The following CHERP variants were observed in gnomAD, a reference collection of about 807,000 sequenced individuals.
CHERP encodes the protein ERPROT 213-21.
A neutral mutation model predicts 113.8 loss-of-function variants in CHERP; 8 were observed. The ratio of observed to expected loss-of-function variants is 0.07; its 90% confidence interval spans 0.04 to 0.13. The LOEUF (loss-of-function observed/expected upper bound fraction) is 0.13, where lower values mean the gene tolerates loss of function less well. Among genes scored for constraint, CHERP ranks in the 10% least tolerant of loss-of-function variants. The pLI, the probability that CHERP is intolerant of heterozygous loss-of-function variation, is 1.00. For synonymous variants in CHERP, 559 were observed against 524.5 expected (o/e 1.07, Z -0.90); for missense variants, 884 against 1,298.2 (o/e 0.68, Z 4.90).
In CHERP at chr19:16,521,798, T is replaced by C. The variant is rs549931677; in HGVS notation, c.1981-144A>G. 2.0e-4 allele frequency: 143 copies of C among 698,042 alleles called. 1 individual carries two copies. The highest frequency in any genetic ancestry group is 2.8e-4 in the Non-Finnish European group (128 of 465,280). The allele number at this position is 698,042 out of a possible 1,614,324, so 43.2% of individuals were successfully genotyped here. A position where few individuals can be genotyped will look rare whatever the true frequency, so the allele number is the denominator to read the frequency against. On this transcript the variant is annotated intron_variant, in intron 11 of 16. Coordinates refer to ENST00000546361, the MANE Select transcript of CHERP (RefSeq NM_006387.6). ...CACCAGAGCTCCTCATGCTTCCCTC[T>C]TGGGGATCCCACTCTCTTGTAGGAC...
chr19:16,539,077 G>A (rs560730706), intron 2 of CHERP, among the ~76,000 whole-genome samples: 4 of 151,710 alleles, frequency 2.6e-5, no homozygotes, highest in South Asian at 2.1e-4. Context: ...CTACACCACC[G>A]GCCACACAAC....
chr19:16,529,990 G>C lies in CHERP; in HGVS notation c.877-90C>G. On this transcript the variant is annotated intron_variant, in intron 7 of 16. Coordinates refer to ENST00000546361, the MANE Select transcript of CHERP (RefSeq NM_006387.6). ...GGACAAACGCCTGGAAAGCAGCAGAGCCTGGGGGACCTGGGGCAGGTGGAC... is the reference window on the plus strand; with the variant it reads ...GGACAAACGCCTGGAAAGCAGCAGACCCTGGGGGACCTGGGGCAGGTGGAC... 3 of 1,491,972 alleles carry C rather than the reference G, an allele frequency of 2.0e-6. No individual in the cohort carries two copies. The East Asian group carries it at 7.4e-5, about 37-fold the overall frequency. The allele number at this position is 1,491,972 out of a possible 1,614,324, so 92.4% of individuals were successfully genotyped here. A position where few individuals can be genotyped will look rare whatever the true frequency, so the allele number is the denominator to read the frequency against.
chr19:16,539,362 T>C (rs1301564451), intron 2 of CHERP, among the ~76,000 whole-genome samples: 1 of 152,016 alleles, frequency 6.6e-6, no homozygotes, highest in African/African-American at 2.4e-5. Flanking sequence ...TTAGCCAGGA[T>C]GGTCTCGATC....
In CHERP at chr19:16,521,347, T is replaced by C. The variant is rs888939783; in HGVS notation, c.2114+174A>G. 10 of 606,114 alleles carry C rather than the reference T, an allele frequency of 1.6e-5. No homozygotes were observed. In the African/African-American group the frequency reaches 1.7e-4, roughly 10 times the overall value. 37.5% of individuals were successfully genotyped at this position (606,114 alleles called of 1,614,324 possible). A position where few individuals can be genotyped will look rare whatever the true frequency, so the allele number is the denominator to read the frequency against. On this transcript the variant is annotated intron_variant, in intron 12 of 16. Transcript: ENST00000546361. ...TGTGTCTCCATTAAAACGCCCTTCA[T>C]TGAGGGCCACGTGTGTGCTGTGCCT...
intron 2 of CHERP, 189 bp downstream of exon 2, chr19:16,541,681 C>T: frequency 1.7e-6 from 1 of 589,172 alleles, no homozygotes; most frequent in Non-Finnish European, 2.9e-6. Context: ...CGTTGTTCTC[C>T]ATTACAGTGG....
At chr19:16,534,344 C>T (rs2085727429) in intron 3 of CHERP, among the ~76,000 whole-genome samples, 1 of 152,152 alleles carries the variant, frequency 6.6e-6, no homozygotes, top group Non-Finnish European at 1.5e-5. Flanking sequence ...CCACTGTGCC[C>T]AGCTGGAATT....
rs1211360804 is a variant in CHERP at position 16,530,064 on chromosome 19, C to T, written c.877-164G>A. Among the ~76,000 whole-genome samples, 1 of 152,218 alleles carries T rather than the reference C, an allele frequency of 6.6e-6. No individual in the cohort carries two copies. The highest frequency in any genetic ancestry group is 1.5e-5 in the Non-Finnish European group (1 of 68,040). On this transcript the variant is annotated intron_variant, in intron 7 of 16. Transcript: ENST00000546361. This position sits in a 1 kb window ranked among gnomAD's most constrained non-coding sequence, Gnocchi z 4.1. ...CAACACAGTCTGGGCAATCAGTGTGCGCTGGGATCTGGCCAGAGATTTGGG... is the reference window on the plus strand; with the variant it reads ...CAACACAGTCTGGGCAATCAGTGTGTGCTGGGATCTGGCCAGAGATTTGGG...
chr19:16,535,531 G>A lies in CHERP; in HGVS notation c.305C>T (p.Ala102Val), dbSNP rs781490948. The change falls in exon 3 of 17, where the codon GCG becomes GTG. Residue 102 changes from alanine to valine, a missense_variant. Ala to Val is a moderately conservative substitution (Grantham distance 64). Coordinates refer to ENST00000546361, the MANE Select transcript of CHERP (RefSeq NM_006387.6). The surrounding 1 kb of genome is among the most constrained non-coding windows in gnomAD (Gnocchi z 4.3). ...CTGGATGAGCTCGTCCATGGATGGC[G>A]CGCCCTGGGCCGGCGGGATGGGCGC... ...PAAPIPPAQG[A>V]PSMDELIQQS... The A allele has an allele frequency of 2.6e-5, 42 of 1,601,832 alleles. No individual in the cohort carries two copies. The highest frequency in any genetic ancestry group is 3.1e-5 in the Non-Finnish European group (36 of 1,174,638).
Position 16,529,752 on chromosome 19 carries a change from AGCT to A in CHERP, c.1022_1024del (p.Gln341del), listed in dbSNP as rs762271164. ...TTCAGCCTCCATCTGCGGCATCTGG[AGCT>A]GCTGCTGCTGCTGTTGCTGCTGCTG... On this transcript the variant is annotated inframe_deletion, in exon 8 of 17. Transcript: ENST00000546361. 23 of 1,611,468 alleles carry A rather than the reference AGCT, an allele frequency of 1.4e-5. No homozygotes were observed. Among genetic ancestry groups the A allele is most frequent in the Admixed American group, 1.7e-5 (1 of 59,924 alleles).
rs2085693363 is a variant in CHERP at position 16,530,516 on chromosome 19, C to T, written c.876+69G>A. On this transcript the variant is annotated intron_variant, in intron 7 of 16. Coordinates refer to ENST00000546361, the MANE Select transcript of CHERP (RefSeq NM_006387.6). The surrounding 1 kb of genome is among the most constrained non-coding windows in gnomAD (Gnocchi z 4.1). Reference sequence around the variant, plus strand: ...GCTGGGGTGGCAGCTGCTGTCCCCACACTCCCAAACCCTCCTGGGGAACCC... The same window carrying T: ...GCTGGGGTGGCAGCTGCTGTCCCCATACTCCCAAACCCTCCTGGGGAACCC... 2.1e-6 allele frequency: 3 copies of T among 1,458,428 alleles called. No individual in the cohort carries two copies. The highest frequency in any genetic ancestry group is 2.9e-6 in the Non-Finnish European group (3 of 1,041,394). The allele number at this position is 1,458,428 out of a possible 1,614,324, so 90.3% of individuals were successfully genotyped here. A position where few individuals can be genotyped will look rare whatever the true frequency, so the allele number is the denominator to read the frequency against.
chr19:16,521,780 G>A, intron 11 of CHERP, 126 bp from the exon 12 acceptor site: 1 of 812,794 alleles, frequency 1.2e-6, no homozygotes, highest in Non-Finnish European at 1.8e-6. Flanking sequence ...GGGCACCAGA[G>A]CTCCTCATGC....
chr19:16,541,736 G>A (rs1291119220), intron 2 of CHERP, 134 bp downstream of exon 2: 3 of 924,796 alleles, frequency 3.2e-6, no homozygotes, highest in African/African-American at 3.3e-5. Flanking sequence ...CAGCGGAACA[G>A]GGATCGTGTG....
intron 2 of CHERP, among the ~76,000 whole-genome samples, chr19:16,536,972 A>G (rs2085745233): frequency 6.6e-6 from 1 of 152,202 alleles, no homozygotes; most frequent in South Asian, 2.1e-4. Flanking sequence ...AGATGGCGCC[A>G]CTGCACTCCA....
In CHERP at chr19:16,519,807, C is replaced by T; in HGVS notation, c.2463-92G>A. The stretch of plus-strand genomic sequence containing the variant: ...GGACCTCACAGCCGCAGCTTGCGTG[C>T]ATGCTCACTGTCACCAGGTGACACC... On this transcript the variant is annotated intron_variant, in intron 15 of 16. Transcript: ENST00000546361. This position sits in a 1 kb window ranked among gnomAD's most constrained non-coding sequence, Gnocchi z 6.0. The T allele has an allele frequency of 2.8e-6, 3 of 1,087,954 alleles. No homozygotes were observed. Among genetic ancestry groups the T allele is most frequent in the Non-Finnish European group, 4.3e-6 (3 of 703,432 alleles). The allele number at this position is 1,087,954 out of a possible 1,614,324, so 67.4% of individuals were successfully genotyped here. A position where few individuals can be genotyped will look rare whatever the true frequency, so the allele number is the denominator to read the frequency against.
chr19:16,523,427 C>CT lies in CHERP; in HGVS notation c.1742-138dup, dbSNP rs2085635260. 9.0e-6 allele frequency: 9 copies of CT among 1,000,026 alleles called. No homozygotes were observed. Among genetic ancestry groups the CT allele is most frequent in the Non-Finnish European group, 1.3e-5 (9 of 679,582 alleles). 61.9% of individuals were successfully genotyped at this position (1,000,026 alleles called of 1,614,324 possible). On this transcript the variant is annotated intron_variant, in intron 10 of 16. Transcript: ENST00000546361. The surrounding 1 kb of genome is among the most constrained non-coding windows in gnomAD (Gnocchi z 4.0). Reference sequence around the variant, plus strand: ...GCCTGTCCAGCATCTTCTCTCACTGCTTAAGACCAGGCAGCAAGGCACCGA... The same window carrying CT: ...GCCTGTCCAGCATCTTCTCTCACTGCTTTAAGACCAGGCAGCAAGGCACCGA...
chr19:16,529,684 C>T lies in CHERP; in HGVS notation c.1093G>A (p.Ala365Thr), dbSNP rs750338607. Residue 365 changes from alanine (A) to threonine (T), a missense_variant, in exon 8 of 17, where the codon GCA becomes ACA. Physicochemically the swap from Ala to Thr is moderately conservative, Grantham distance 58. Transcript: ENST00000546361. ...GTGGGCGGGATGGCAGGGGCAGGTG[C>T]TGGGGCCGGGGGTGGAGCAGGCGGT... ...PPPPAPPPAP[A>T]PAPAIPPTTQ... 1 of 1,564,616 alleles carries T rather than the reference C, an allele frequency of 6.4e-7. No homozygotes were observed. Among genetic ancestry groups the T allele is most frequent in the Non-Finnish European group, 8.6e-7 (1 of 1,160,262 alleles).
rs1441937910 is a variant in CHERP at position 16,518,067 on chromosome 19, AT to A, written c.*1091del. On this transcript the variant is annotated 3_prime_UTR_variant, in exon 17 of 17. Coordinates refer to ENST00000546361, the MANE Select transcript of CHERP (RefSeq NM_006387.6). The stretch of plus-strand genomic sequence containing the variant: ...GGGTTGAAAAGTTGGAAGATTTTGC[AT>A]CTTATTGAAAAGAATTTTTCAAAAA... The A allele has an allele frequency of 6.6e-6, 1 of 152,144 alleles. No homozygotes were observed. The highest frequency in any genetic ancestry group is 1.5e-5 in the Non-Finnish European group (1 of 68,018). The allele number at this position is 152,144 out of a possible 1,614,324, so 9.4% of individuals were successfully genotyped here.
chr19:16,535,356 C>G lies in CHERP; in HGVS notation c.384+96G>C. 7.3e-7 allele frequency: 1 copy of G among 1,366,356 alleles called. No homozygotes were observed. The highest frequency in any genetic ancestry group is 1.0e-6 in the Non-Finnish European group (1 of 999,296). The allele number at this position is 1,366,356 out of a possible 1,614,324, so 84.6% of individuals were successfully genotyped here. ...CCTGGGTGGCAGGGGGGGCCCTGTC[C>G]TCACTGACACCTGTTATTCATTCTG... On this transcript the variant is annotated intron_variant, in intron 3 of 16. Coordinates refer to ENST00000546361, the MANE Select transcript of CHERP (RefSeq NM_006387.6). The surrounding 1 kb of genome is among the most constrained non-coding windows in gnomAD (Gnocchi z 4.3).
Position 16,542,021 on chromosome 19 carries a change from G to T in CHERP, c.48C>A (p.Ile16=). The T allele has an allele frequency of 6.2e-7, 1 of 1,613,484 alleles. No homozygotes were observed. The highest frequency in any genetic ancestry group is 8.5e-7 in the Non-Finnish European group (1 of 1,179,848). Reference sequence around the variant, plus strand: ...GAGCCACGAACTGGGCGAGCTTGTCGATGACATTTCGAAGCTCCTGGTCTG... The same window carrying T: ...GAGCCACGAACTGGGCGAGCTTGTCTATGACATTTCGAAGCTCCTGGTCTG... The part of the protein sequence containing the change: ...PPDDQELRNV[I]DKLAQFVARN... The change falls in exon 2 of 17, where the codon ATC becomes ATA. Residue 16 remains isoleucine, a synonymous_variant. Coordinates refer to ENST00000546361, the MANE Select transcript of CHERP (RefSeq NM_006387.6).
Sources: gnomAD v4.1 joint callset for allele counts (sites outside exome capture counted in the v4.1 genomes callset) on GRCh38, gnomAD v4.1.1 for gene constraint, Gnocchi (gnomAD v3.1) non-coding constraint, MANE v1.5 for transcripts, NCBI Gene and HGNC (gene_info 2026-07-23, HGNC 2026-07-21) for gene names.